Variants in WASHC5 observed in about 807,000 individuals in gnomAD.
WASHC5 encodes WASH complex subunit 5.
WASHC5 carries 101 observed loss-of-function variants against 150.4 expected under a neutral mutation model. That is an observed-to-expected ratio of 0.67 (90% CI 0.57 to 0.79). The LOEUF (loss-of-function observed/expected upper bound fraction) is 0.79, where lower values mean the gene tolerates loss of function less well. Among genes scored for constraint, WASHC5 ranks in the 30% least tolerant of loss-of-function variants. The pLI is 0.00. For synonymous variants in WASHC5, 467 were observed against 491.2 expected (o/e 0.95, Z 0.65); for missense variants, 1,195 against 1,396.3 (o/e 0.86, Z 2.30).
intron 18 of WASHC5, among the ~76,000 whole-genome samples, 190 bp from the exon 19 acceptor site, chr8:125,049,375 G>A (rs754378585): frequency 2.0e-4 from 30 of 151,374 alleles, no homozygotes; most frequent in Non-Finnish European, 3.1e-4. Flanking sequence ...CCTGGCCAAC[G>A]TTGCGAAACC....
At chr8:125,065,122 G>C (rs1816708707) in intron 10 of WASHC5, among the ~76,000 whole-genome samples, 1 of 152,102 alleles carries the variant, frequency 6.6e-6, no homozygotes, top group Non-Finnish European at 1.5e-5. Context: ...TTGGGATAGG[G>C]GATGGTCCCT....
intron 23 of WASHC5, among the ~76,000 whole-genome samples, chr8:125,041,352 G>C (rs763696319): frequency 2.6e-5 from 4 of 152,156 alleles, no homozygotes; most frequent in Non-Finnish European, 5.9e-5. Flanking sequence ...GGGCAGAGAA[G>C]AGTTAAGGAA....
In WASHC5 at chr8:125,076,353, T is replaced by C; in HGVS notation, c.859A>G (p.Asn287Asp). Residue 287 changes from asparagine to aspartate, a missense_variant, in exon 7 of 29, where the codon AAT becomes GAT. Physicochemically the swap from Asn to Asp is conservative, Grantham distance 23 (BLOSUM62 1). Transcript: ENST00000318410. ...REIVDKYFPD[N>D]WVISIYMGIT... ...AAAAAATTAGCAATACTTGCCCAAT[T>C]ATCTGGAAAGTATTTATCCACTATC... 1 of 1,613,776 alleles carries C rather than the reference T, an allele frequency of 6.2e-7. No individual in the cohort carries two copies. Among genetic ancestry groups the C allele is most frequent in the Non-Finnish European group, 8.5e-7 (1 of 1,179,802 alleles).
At chr8:125,080,070 G>A (rs988855320) in intron 5 of WASHC5, among the ~76,000 whole-genome samples, 1 of 152,146 alleles carries the variant, frequency 6.6e-6, no homozygotes. Context: ...GGAATAGTAA[G>A]CTCTGAAAGA....
At position 125,057,648 on chromosome 8, in the gene WASHC5, G is replaced by A; in HGVS notation, c.1783C>T (p.Leu595=). Residue 595 remains leucine, a synonymous_variant, in exon 15 of 29, where the codon CTG becomes TTG. Transcript: ENST00000318410. Reference sequence around the variant, plus strand: ...GCCTGATTAATACGAAGAAGGGGCAGATCGAGGGCAGAGGCAAGCTGGAAG... The same window carrying A: ...GCCTGATTAATACGAAGAAGGGGCAAATCGAGGGCAGAGGCAAGCTGGAAG... ...TFLKLASALD[L]PLLRINQANS... is the part of the protein sequence containing the mutation. The A allele has an allele frequency of 6.2e-7, 1 of 1,613,022 alleles. No individual in the cohort carries two copies. The highest frequency in any genetic ancestry group is 1.1e-5 in the South Asian group (1 of 90,970).
intron 16 of WASHC5, 57 bp downstream of exon 16, chr8:125,056,620 T>C: frequency 6.2e-7 from 1 of 1,602,960 alleles, no homozygotes; most frequent in South Asian, 1.1e-5. Context: ...AGGCCTGTGA[T>C]ATTTCATGAC....
intron 10 of WASHC5, 32 bp from the exon 11 acceptor site, chr8:125,063,683 T>TA (rs776068325): frequency 5.6e-6 from 9 of 1,608,434 alleles, no homozygotes; most frequent in Non-Finnish European, 6.8e-6. Flanking sequence ...TTTATTTACT[T>TA]AAGAGAAAAA....
At position 125,079,102 on chromosome 8, in the gene WASHC5, ATG is replaced by A. The variant is rs1225633373; in HGVS notation, c.519-174_519-173del. ...AAGATTCAAAATTATGTGTATATAT[ATG>A]TGTGTGTGTGTGTATATATATATAT... On this transcript the variant is annotated intron_variant, in intron 5 of 28. Coordinates refer to ENST00000318410, the MANE Select transcript of WASHC5 (RefSeq NM_014846.4). 1.5e-4 allele frequency among the ~76,000 whole-genome samples: 13 copies of A among 88,720 alleles called. 1 individual carries two copies. Among genetic ancestry groups the A allele is most frequent in the Admixed American group, 6.2e-4 (5 of 8,112 alleles). 58.2% of individuals were successfully genotyped at this position (88,720 alleles called of 152,430 possible). A position where few individuals can be genotyped will look rare whatever the true frequency, so the allele number is the denominator to read the frequency against.
chr8:125,033,737 C>A (rs182633399), intron 26 of WASHC5, among the ~76,000 whole-genome samples: 1 of 151,928 alleles, frequency 6.6e-6, no homozygotes, highest in Admixed American at 6.6e-5. Flanking sequence ...TTAGTAGAGA[C>A]GGGTTTCACT....
At position 125,079,094 on chromosome 8, in the gene WASHC5, G is replaced by A. The variant is rs190948710; in HGVS notation, c.519-164C>T. Among the ~76,000 whole-genome samples the A allele has an allele frequency of 0.091, 9,393 of 103,072 alleles. 941 individuals carry two copies. The highest frequency in any genetic ancestry group is 0.24 in the African/African-American group (6,419 of 26,552). The allele number at this position is 103,072 out of a possible 152,430, so 67.6% of individuals were successfully genotyped here. A position where few individuals can be genotyped will look rare whatever the true frequency, so the allele number is the denominator to read the frequency against. On this transcript the variant is annotated intron_variant, in intron 5 of 28. Transcript: ENST00000318410. Reference sequence around the variant, plus strand: ...ATATCCTCAAGATTCAAAATTATGTGTATATATATGTGTGTGTGTGTGTAT... The same window carrying A: ...ATATCCTCAAGATTCAAAATTATGTATATATATATGTGTGTGTGTGTGTAT...
At chr8:125,066,361 C>T (rs975990388) in intron 10 of WASHC5, among the ~76,000 whole-genome samples, 3 of 152,116 alleles carry the variant, frequency 2.0e-5, no homozygotes, top group Non-Finnish European at 4.4e-5. Context: ...ATACTAGTAA[C>T]CATACTGAAG....
chr8:125,066,910 T>C lies in WASHC5; in HGVS notation c.1278+682A>G, dbSNP rs2130133613. Among the ~76,000 whole-genome samples the C allele has an allele frequency of 2.0e-5, 3 of 152,342 alleles. 1 individual carries two copies. Among genetic ancestry groups the C allele is most frequent in the Middle Eastern group, 6.8e-3 (2 of 292 alleles). On this transcript the variant is annotated intron_variant, in intron 10 of 28. Coordinates refer to ENST00000318410, the MANE Select transcript of WASHC5 (RefSeq NM_014846.4). Reference sequence around the variant, plus strand: ...TCAGAAGCTCTTGCGTCTCTTCTCATGGAAGTCTACCAGGATGCAACAGGA... The same window carrying C: ...TCAGAAGCTCTTGCGTCTCTTCTCACGGAAGTCTACCAGGATGCAACAGGA...
chr8:125,042,389 G>A (rs1008764999), intron 23 of WASHC5, among the ~76,000 whole-genome samples: 9 of 152,122 alleles, frequency 5.9e-5, no homozygotes, highest in Admixed American at 2.0e-4. Flanking sequence ...TGTCATCATC[G>A]AATAGCACAG....
chr8:125,027,969 T>C (rs990486820), intron 28 of WASHC5, among the ~76,000 whole-genome samples: 3 of 152,246 alleles, frequency 2.0e-5, no homozygotes, highest in Non-Finnish European at 4.4e-5. Context: ...TATTATGTAC[T>C]GACATTGCTA....
Position 125,059,373 on chromosome 8 carries a change from T to G in WASHC5, c.1688+3A>C. The G allele has an allele frequency of 1.2e-6, 2 of 1,614,130 alleles. No individual in the cohort carries two copies. Among genetic ancestry groups the G allele is most frequent in the Non-Finnish European group, 1.7e-6 (2 of 1,179,988 alleles). The stretch of plus-strand genomic sequence containing the variant: ...ACAGCAAATGTCAGGCTGCCTACAT[T>G]ACCTGTCAATCAACTGCCAAGCGAA... On this transcript the variant is annotated splice_donor_region_variant and intron_variant, in intron 13 of 28. Coordinates refer to ENST00000318410, the MANE Select transcript of WASHC5 (RefSeq NM_014846.4).
chr8:125,069,964 A>G (rs577790769), intron 9 of WASHC5, among the ~76,000 whole-genome samples: 14 of 152,214 alleles, frequency 9.2e-5, no homozygotes, highest in Non-Finnish European at 2.1e-4. Flanking sequence ...TGTATTCCTC[A>G]ATGTGCTTTA....
At chr8:125,036,044 T>G (rs1035809) in intron 26 of WASHC5, among the ~76,000 whole-genome samples, 22,143 of 152,248 alleles carry the variant, frequency 0.15, 2,062 homozygotes, top group Non-Finnish European at 0.21. Flanking sequence ...TAGGGTTATA[T>G]TCCTGGAGAG....
At chr8:125,032,196 T>C (rs1202419617) in intron 27 of WASHC5, 45 bp downstream of exon 27, 2 of 1,608,382 alleles carry the variant, frequency 1.2e-6, no homozygotes, top group African/African-American at 2.7e-5. Context: ...TTAAGTTAGG[T>C]TTTGTGACAA....
intron 25 of WASHC5, among the ~76,000 whole-genome samples, chr8:125,038,386 T>C (rs554844303): frequency 6.6e-6 from 1 of 152,118 alleles, no homozygotes; most frequent in South Asian, 2.1e-4. Context: ...TGGCACCGAG[T>C]TATGAAAAAA....
Sources: gnomAD v4.1 joint callset for allele counts (sites outside exome capture counted in the v4.1 genomes callset) on GRCh38, gnomAD v4.1.1 for gene constraint, MANE v1.5 for transcripts, NCBI Gene and HGNC (gene_info 2026-07-23, HGNC 2026-07-21) for gene names.